COL25A1: variants seen among roughly 807,000 people sequenced by gnomAD.
COL25A1 encodes collagen type XXV alpha 1 chain, also known as collagen alpha-1(XXV) chain.
In COL25A1, 103 loss-of-function variants were observed where a neutral mutation model predicts 128.4. That is an observed-to-expected ratio of 0.80 (90% CI 0.68 to 0.94). The LOEUF is 0.94. Ranked by LOEUF, COL25A1 falls within the 40% of genes least tolerant of loss-of-function variation. COL25A1 has a pLI of 0.00. For synonymous variants in COL25A1, 279 were observed against 277.2 expected (o/e 1.01, Z -0.06); for missense variants, 745 against 840.0 (o/e 0.89, Z 1.40).
chr4:109,047,369 A>C (rs972584276), intron 5 of COL25A1, among the ~76,000 whole-genome samples: 5 of 152,246 alleles, frequency 3.3e-5, no homozygotes, highest in Admixed American at 1.3e-4. Flanking sequence ...GTGTGTGATC[A>C]TATCAAAAAT....
rs370156978 is a variant in COL25A1 at position 109,004,254 on chromosome 4, G to A, written c.438+6104C>T. Among the ~76,000 whole-genome samples the A allele has an allele frequency of 1.9e-4, 29 of 152,118 alleles. No individual in the cohort carries two copies. The East Asian group carries it at 5.6e-3, about 29-fold the overall frequency. Reference sequence around the variant, plus strand: ...GTCCCAGCAATTCTTAACAATCTACGCTGTCTTCAGCTTTAGGAAGACGAT... The same window carrying A: ...GTCCCAGCAATTCTTAACAATCTACACTGTCTTCAGCTTTAGGAAGACGAT... On this transcript the variant is annotated intron_variant, in intron 6 of 37. Coordinates refer to ENST00000399132, the MANE Select transcript of COL25A1 (RefSeq NM_198721.4).
chr4:108,966,323 A>T (rs756223450), intron 8 of COL25A1, among the ~76,000 whole-genome samples: 2 of 152,184 alleles, frequency 1.3e-5, no homozygotes, highest in Non-Finnish European at 2.9e-5. Context: ...AATTACAAAG[A>T]AAAAATATCC....
At position 109,008,761 on chromosome 4, in the gene COL25A1, A is replaced by G. The variant is rs567010441; in HGVS notation, c.438+1597T>C. On this transcript the variant is annotated intron_variant, in intron 6 of 37. Coordinates refer to ENST00000399132, the MANE Select transcript of COL25A1 (RefSeq NM_198721.4). ...TATACACATACATGCGCGCGCACAC[A>G]CACACACACACACACGTAGGATAAT... is the stretch of plus-strand genomic sequence containing the variant. Among the ~76,000 whole-genome samples the G allele has an allele frequency of 4.6e-5, 7 of 151,382 alleles. No homozygotes were observed. In the South Asian group the frequency reaches 8.3e-4, roughly 18 times the overall value.
At chr4:109,179,299 C>A (rs545406897) in intron 3 of COL25A1, among the ~76,000 whole-genome samples, 97 of 152,354 alleles carry the variant, frequency 6.4e-4, no homozygotes, top group Non-Finnish European at 1.0e-3. Flanking sequence ...TCACCTCCCC[C>A]CACTGCACCT....
intron 3 of COL25A1, among the ~76,000 whole-genome samples, chr4:109,056,584 T>C (rs1761465250): frequency 6.6e-6 from 1 of 151,940 alleles, no homozygotes. Flanking sequence ...GCAGAAACTA[T>C]GTTCACTGAA....
At chr4:109,137,523 C>G (rs1327957282) in intron 3 of COL25A1, among the ~76,000 whole-genome samples, 1 of 152,172 alleles carries the variant, frequency 6.6e-6, no homozygotes, top group Admixed American at 6.6e-5. Flanking sequence ...ACCTGGACCA[C>G]TGGCAACAAC....
chr4:109,206,891 C>A (rs1777046977), intron 3 of COL25A1, among the ~76,000 whole-genome samples: 1 of 152,154 alleles, frequency 6.6e-6, no homozygotes, highest in Non-Finnish European at 1.5e-5. Context: ...CTCTGAGGAC[C>A]CAGCCAGTCA....
intron 3 of COL25A1, among the ~76,000 whole-genome samples, chr4:109,052,693 C>A (rs1280859612): frequency 1.3e-5 from 2 of 151,958 alleles, no homozygotes; most frequent in Non-Finnish European, 2.9e-5. Context: ...GTCTACTGTG[C>A]AGATAAGATA....
At chr4:108,847,095 G>A (rs1046358822) in intron 27 of COL25A1, among the ~76,000 whole-genome samples, 7 of 151,800 alleles carry the variant, frequency 4.6e-5, no homozygotes, top group African/African-American at 7.2e-5. Flanking sequence ...TAGTAGAGAC[G>A]AGGTTTCACC....
intron 14 of COL25A1, 116 bp downstream of exon 14, chr4:108,901,003 A>G: frequency 1.3e-6 from 1 of 749,212 alleles, no homozygotes. Flanking sequence ...TACTATTCAC[A>G]AAATACCCAT....
chr4:108,938,419 T>C (rs569353409), intron 10 of COL25A1, among the ~76,000 whole-genome samples: 1 of 152,202 alleles, frequency 6.6e-6, no homozygotes, highest in African/African-American at 2.4e-5. Flanking sequence ...TTTATTTTTA[T>C]AGTCTTCTTC....
intron 3 of COL25A1, among the ~76,000 whole-genome samples, chr4:109,189,409 G>A (rs1331606738): frequency 6.6e-6 from 1 of 151,806 alleles, no homozygotes; most frequent in East Asian, 1.9e-4. Flanking sequence ...TTAGCTAAGT[G>A]TGCTGGCATG....
chr4:109,285,457 T>C lies in COL25A1; in HGVS notation c.367+15126A>G, dbSNP rs377096071. 2.6e-5 allele frequency among the ~76,000 whole-genome samples: 4 copies of C among 152,354 alleles called. No individual in the cohort carries two copies. The East Asian group carries it at 7.7e-4, about 29-fold the overall frequency. On this transcript the variant is annotated intron_variant, in intron 3 of 37. Transcript: ENST00000399132. Reference sequence around the variant, plus strand: ...GAATTCAAGTATCAAATGTAATGTATGTCTAGATAACTTTCAAACACACTC... The same window carrying C: ...GAATTCAAGTATCAAATGTAATGTACGTCTAGATAACTTTCAAACACACTC...
chr4:109,263,352 A>C (rs892906609), intron 3 of COL25A1, among the ~76,000 whole-genome samples: 1 of 152,170 alleles, frequency 6.6e-6, no homozygotes, highest in Non-Finnish European at 1.5e-5. Flanking sequence ...TGGCATACTC[A>C]AAAAGCTTCA....
At chr4:109,046,487 A>C (rs964896507) in intron 5 of COL25A1, among the ~76,000 whole-genome samples, 6 of 152,196 alleles carry the variant, frequency 3.9e-5, no homozygotes, top group Non-Finnish European at 7.3e-5. Flanking sequence ...AGAAGCCTTG[A>C]ACACTCTACT....
chr4:109,074,365 T>C (rs185908054), intron 3 of COL25A1, among the ~76,000 whole-genome samples: 2 of 152,294 alleles, frequency 1.3e-5, no homozygotes. Context: ...TAAATCAAAA[T>C]GGCACCAGAA....
intron 3 of COL25A1, among the ~76,000 whole-genome samples, chr4:109,145,330 G>A (rs1472525064): frequency 6.6e-6 from 1 of 152,052 alleles, no homozygotes; most frequent in Non-Finnish European, 1.5e-5. Flanking sequence ...GTCTCCCAAA[G>A]TGCTAGGATT....
At position 108,963,596 on chromosome 4, in the gene COL25A1, TA is replaced by T. The variant is rs141182680; in HGVS notation, c.492+10770del. Among the ~76,000 whole-genome samples, 1,116 of 152,190 alleles carry T rather than the reference TA, an allele frequency of 7.3e-3. 12 individuals carry two copies. Among genetic ancestry groups the T allele is most frequent in the African/African-American group, 0.025 (1,042 of 41,554 alleles). On this transcript the variant is annotated intron_variant, in intron 8 of 37. Transcript: ENST00000399132. ...TCTACATTACATGAATTAATAAATC[TA>T]AAAATCTTATATTTGGATTCAAGTA... is the stretch of plus-strand genomic sequence containing the variant.
intron 6 of COL25A1, among the ~76,000 whole-genome samples, chr4:108,989,281 AC>A (rs1424787571): frequency 6.6e-6 from 1 of 152,254 alleles, no homozygotes; most frequent in Non-Finnish European, 1.5e-5. Flanking sequence ...TGTGCAGTGC[AC>A]AGTGTGCACA....
Sources: allele counts gnomAD v4.1 joint callset (sites outside exome capture counted in the v4.1 genomes callset), GRCh38; gene constraint gnomAD v4.1.1; transcripts MANE v1.5; gene names NCBI Gene and HGNC (gene_info 2026-07-23, HGNC 2026-07-21).